LRP11: variants seen among roughly 807,000 people sequenced by gnomAD.
The protein encoded by LRP11 is low-density lipoprotein receptor-related protein 11.
Under a neutral mutation model 43.1 loss-of-function variants are expected in LRP11, and 25 were observed. The observed-to-expected ratio is 0.58, with a 90% CI of 0.42 to 0.81. The LOEUF is 0.81. Ranked by LOEUF, LRP11 falls within the 30% of genes least tolerant of loss-of-function variation. The pLI is 0.00. For missense variants in LRP11, 623 were observed against 665.1 expected, an observed-to-expected ratio of 0.94 and a Z score of 0.70; for synonymous variants, 316 against 299.4, an observed-to-expected ratio of 1.06 and a Z score of -0.57.
At chr6:149,826,666 C>T (rs1198260761) in intron 5 of LRP11, among the ~76,000 whole-genome samples, 1 of 151,986 alleles carries the variant, frequency 6.6e-6, no homozygotes, top group Non-Finnish European at 1.5e-5. Context: ...CAGGGAGTCT[C>T]CGGATATCAC....
intron 5 of LRP11, among the ~76,000 whole-genome samples, chr6:149,833,380 CTCTT>C (rs1442091616): frequency 1.2e-4 from 18 of 152,180 alleles, no homozygotes; most frequent in African/African-American, 4.3e-4. Flanking sequence ...GATGTGAGGG[CTCTT>C]TCTAACATTT....
intron 6 of LRP11, among the ~76,000 whole-genome samples, chr6:149,824,777 T>C (rs1367577709): frequency 1.3e-5 from 2 of 152,180 alleles, no homozygotes; most frequent in South Asian, 2.1e-4. Flanking sequence ...GGGGAATCGT[T>C]TGAACCCGGG....
intron 2 of LRP11, among the ~76,000 whole-genome samples, chr6:149,851,304 G>C (rs1776715766): frequency 6.6e-6 from 1 of 152,204 alleles, no homozygotes; most frequent in African/African-American, 2.4e-5. Flanking sequence ...AGTAGGTAAT[G>C]AATGAGTCAG....
At chr6:149,861,784 G>A (rs1156732193) in intron 1 of LRP11, among the ~76,000 whole-genome samples, 4 of 152,208 alleles carry the variant, frequency 2.6e-5, no homozygotes, top group Admixed American at 6.5e-5. Context: ...GCCTCCCAAA[G>A]TCCTGGGGTT....
At chr6:149,839,706 G>T (rs540994481) in intron 3 of LRP11, among the ~76,000 whole-genome samples, 18 of 152,258 alleles carry the variant, frequency 1.2e-4, no homozygotes, top group African/African-American at 4.1e-4. Context: ...CCAGGCTGGA[G>T]TGCGGTGGCA....
intron 1 of LRP11, among the ~76,000 whole-genome samples, chr6:149,861,365 C>G (rs771787188): frequency 3.3e-5 from 5 of 152,156 alleles, no homozygotes; most frequent in Non-Finnish European, 5.9e-5. Flanking sequence ...CAGCAGTGTT[C>G]TCCCAGAAAT....
chr6:149,837,610 G>T, intron 3 of LRP11, 147 bp from the exon 4 acceptor site: 1 of 802,628 alleles, frequency 1.2e-6, no homozygotes, highest in Non-Finnish European at 1.9e-6. Context: ...TCCAGCAACA[G>T]GTTCTGGAGA....
At chr6:149,857,768 G>T (rs573379964) in intron 1 of LRP11, among the ~76,000 whole-genome samples, 2 of 152,120 alleles carry the variant, frequency 1.3e-5, no homozygotes, top group African/African-American at 4.8e-5. Flanking sequence ...TGTTTTATCC[G>T]CACAACCAGT....
rs1199069624 is a variant in LRP11 at position 149,852,995 on chromosome 6, T to A, written c.771+8A>T. 1 of 1,581,508 alleles carries A rather than the reference T, an allele frequency of 6.3e-7. No homozygotes were observed. The highest frequency in any genetic ancestry group is 8.6e-7 in the Non-Finnish European group (1 of 1,166,404). On this transcript the variant is annotated splice_region_variant and intron_variant, in intron 2 of 6. Coordinates refer to ENST00000239367, the MANE Select transcript of LRP11 (RefSeq NM_032832.6). ...CTCGTTTTTGTTAGCAGTGACAACA[T>A]GCGTTACCTTCATGTCCACTGACGG...
chr6:149,830,007 CTTTT>C (rs59467230), intron 5 of LRP11, among the ~76,000 whole-genome samples: 2 of 127,444 alleles, frequency 1.6e-5, no homozygotes, highest in Non-Finnish European at 1.7e-5. Flanking sequence ...TTATTATCCT[CTTTT>C]TTTTTTTTTT....
Position 149,820,415 on chromosome 6 carries a change from T to G in LRP11, c.*134A>C. On this transcript the variant is annotated 3_prime_UTR_variant, in exon 7 of 7. Coordinates refer to ENST00000239367, the MANE Select transcript of LRP11 (RefSeq NM_032832.6). The stretch of plus-strand genomic sequence containing the variant: ...AGGAAACTTTTTTTACAATAAATAA[T>G]AAAGAAAGATTTGGGATTTGCAGAA... 2 of 488,838 alleles carry G rather than the reference T, an allele frequency of 4.1e-6. No homozygotes were observed. Among genetic ancestry groups the G allele is most frequent in the Non-Finnish European group, 7.3e-6 (2 of 273,758 alleles). The allele number at this position is 488,838 out of a possible 1,614,324, so 30.3% of individuals were successfully genotyped here.
At chr6:149,845,321 G>C (rs1336766148) in intron 2 of LRP11, among the ~76,000 whole-genome samples, 1 of 152,200 alleles carries the variant, frequency 6.6e-6, no homozygotes, top group Non-Finnish European at 1.5e-5. Context: ...TACAGACAAA[G>C]AAACGAATCC....
At chr6:149,837,580 A>G (rs1417866342) in intron 3 of LRP11, 117 bp from the exon 4 acceptor site, 1 of 1,042,294 alleles carries the variant, frequency 9.6e-7, no homozygotes, top group African/African-American at 1.6e-5. Context: ...AGATGCAAAT[A>G]ATGAGGCAAA....
At position 149,863,898 on chromosome 6, in the gene LRP11, G is replaced by A; in HGVS notation, c.123C>T (p.Pro41=). Residue 41 remains proline, a synonymous_variant, in exon 1 of 7, where the codon CCC becomes CCT. Transcript: ENST00000239367. The part of the protein sequence containing the change: ...WLPSGRAALP[P]AAPLSELHAQ... Reference sequence around the variant, plus strand: ...CGTGCAGTTCGGACAGCGGCGCCGCGGGCGGCAAGGCCGCACGGCCGCTTG... The same window carrying A: ...CGTGCAGTTCGGACAGCGGCGCCGCAGGCGGCAAGGCCGCACGGCCGCTTG... 4.7e-6 allele frequency: 7 copies of A among 1,488,424 alleles called. No individual in the cohort carries two copies. Among genetic ancestry groups the A allele is most frequent in the Non-Finnish European group, 5.3e-6 (6 of 1,127,212 alleles). 92.2% of individuals were successfully genotyped at this position (1,488,424 alleles called of 1,614,324 possible).
rs1336713885 is a variant in LRP11 at position 149,844,207 on chromosome 6, C to A, written c.772-1083G>T. Among the ~76,000 whole-genome samples the A allele has an allele frequency of 2.7e-5, 4 of 150,230 alleles. No homozygotes were observed. In the Admixed American group the frequency reaches 2.7e-4, roughly 10 times the overall value. ...GACAGAGGTTGTAGTGTGCCAAGAT[C>A]ACCCACTGCATTCCAATCTGCTGAC... is the stretch of plus-strand genomic sequence containing the variant. On this transcript the variant is annotated intron_variant, in intron 2 of 6. Transcript: ENST00000239367.
chr6:149,856,116 T>A lies in LRP11; in HGVS notation c.614-2956A>T, dbSNP rs561629445. 8.0e-4 allele frequency among the ~76,000 whole-genome samples: 114 copies of A among 141,876 alleles called. 1 individual carries two copies. Among genetic ancestry groups the A allele is most frequent in the South Asian group, 1.7e-3 (8 of 4,746 alleles). The allele number at this position is 141,876 out of a possible 152,430, so 93.1% of individuals were successfully genotyped here. On this transcript the variant is annotated intron_variant, in intron 1 of 6. Coordinates refer to ENST00000239367, the MANE Select transcript of LRP11 (RefSeq NM_032832.6). ...ACAGCTAGCAGCTATTTAAACTTTG[T>A]TAAAAATACATTTTTAAGTAGACAA...
At chr6:149,859,635 A>G (rs1378798102) in intron 1 of LRP11, among the ~76,000 whole-genome samples, 2 of 151,862 alleles carry the variant, frequency 1.3e-5, no homozygotes, top group Non-Finnish European at 2.9e-5. Context: ...GCCTCCAGCA[A>G]TCCACCTGCG....
intron 2 of LRP11, among the ~76,000 whole-genome samples, chr6:149,852,078 C>T (rs1428628228): frequency 1.3e-5 from 2 of 152,124 alleles, no homozygotes; most frequent in African/African-American, 4.8e-5. Context: ...TCCCTTGACA[C>T]GTGGAGATTA....
rs969174257 is a variant in LRP11, at chr6:149,837,228, T to C, written c.1039+110A>G. ...TAGCTTTTACATGTAAAGTTATAAC[T>C]AAAATCAAGCAGGGGAAGGACACTG... On this transcript the variant is annotated intron_variant, in intron 4 of 6. Transcript: ENST00000239367. 6.6e-6 allele frequency: 8 copies of C among 1,215,636 alleles called. No homozygotes were observed. In the African/African-American group the frequency reaches 9.1e-5, roughly 14 times the overall value. 75.3% of individuals were successfully genotyped at this position (1,215,636 alleles called of 1,614,324 possible). A position where few individuals can be genotyped will look rare whatever the true frequency, so the allele number is the denominator to read the frequency against.
Sources: allele counts gnomAD v4.1 joint callset (sites outside exome capture counted in the v4.1 genomes callset), GRCh38; gene constraint gnomAD v4.1.1; transcripts MANE v1.5; gene names NCBI Gene and HGNC (gene_info 2026-07-23, HGNC 2026-07-21).